The following SRD5A2 variants were observed in gnomAD, a reference collection of about 807,000 sequenced individuals.
SRD5A2 encodes 3-oxo-5-alpha-steroid 4-dehydrogenase 2.
SRD5A2 carries 30 observed loss-of-function variants against 27.4 expected under a neutral mutation model. The observed-to-expected ratio is 1.10, with a 90% CI of 0.82 to 1.49. The LOEUF (loss-of-function observed/expected upper bound fraction) is 1.49, where lower values mean the gene tolerates loss of function less well. Ranked by LOEUF, SRD5A2 falls within the 40% of genes most tolerant of loss-of-function variation. SRD5A2 has a pLI of 0.00. For missense variants in SRD5A2, 348 were observed against 323.4 expected (o/e 1.08, Z -0.58); for synonymous variants, 141 against 133.6 (o/e 1.06, Z -0.38).
chr2:31,554,189 G>A (rs977257585), intron 1 of SRD5A2, among the ~76,000 whole-genome samples: 9 of 152,012 alleles, frequency 5.9e-5, no homozygotes, highest in Non-Finnish European at 8.8e-5. Context: ...ACTTGCAACC[G>A]ATCTAGGAGA....
intron 1 of SRD5A2, among the ~76,000 whole-genome samples, chr2:31,569,527 C>G (rs964076129): frequency 6.6e-6 from 1 of 152,088 alleles, no homozygotes; most frequent in African/African-American, 2.4e-5. Context: ...TTCTTGTTTG[C>G]CAATCATACG....
the SRD5A2 span, among the ~76,000 whole-genome samples, chr2:31,599,162 T>C: frequency 6.6e-6 from 1 of 151,876 alleles, no homozygotes. Flanking sequence ...TCCAGATACA[T>C]AAAGAAAATA....
At chr2:31,607,957 G>T in the SRD5A2 span, among the ~76,000 whole-genome samples, 1 of 151,860 alleles carries the variant, frequency 6.6e-6, no homozygotes, top group Non-Finnish European at 1.5e-5. Context: ...TCTCAGCTAT[G>T]TAACGGTACA....
In SRD5A2 at chr2:31,569,369, G is replaced by T. The variant is rs565012329; in HGVS notation, c.281+11251C>A. On this transcript the variant is annotated intron_variant, in intron 1 of 4. Transcript: ENST00000622030. ...GTTGTCATTTAAATTCCCATCAAAG[G>T]TATGAGAGTTCCAGCTCTTCCACAT... 3.7e-4 allele frequency among the ~76,000 whole-genome samples: 56 copies of T among 152,278 alleles called. No individual in the cohort carries two copies. In the Middle Eastern group the frequency reaches 0.02, roughly 55 times the overall value.
the SRD5A2 span, among the ~76,000 whole-genome samples, chr2:31,632,454 G>A: frequency 0.19 from 29,209 of 152,176 alleles, 2,999 homozygotes; most frequent in Middle Eastern, 0.24. Flanking sequence ...CCCAGGGGAC[G>A]AAGGTCCTCT....
intron 1 of SRD5A2, among the ~76,000 whole-genome samples, chr2:31,545,810 ACT>A (rs566315183): frequency 1.5e-3 from 231 of 152,264 alleles, no homozygotes; most frequent in Non-Finnish European, 2.5e-3. Flanking sequence ...TGTCTAGAAC[ACT>A]CTAACGATTC....
intron 1 of SRD5A2, among the ~76,000 whole-genome samples, chr2:31,579,892 C>T (rs544504385): frequency 6.6e-5 from 10 of 152,252 alleles, no homozygotes; most frequent in African/African-American, 2.4e-4. Context: ...TCTAGAAGAA[C>T]ATTTGAGCTG....
chr2:31,529,880 C>T (rs939277797), intron 3 of SRD5A2, among the ~76,000 whole-genome samples: 1 of 152,148 alleles, frequency 6.6e-6, no homozygotes, highest in African/African-American at 2.4e-5. Flanking sequence ...AAACTGCACA[C>T]TACATTAAAA....
At chr2:31,553,304 T>C (rs1456210203) in intron 1 of SRD5A2, among the ~76,000 whole-genome samples, 2 of 151,966 alleles carry the variant, frequency 1.3e-5, no homozygotes, top group South Asian at 2.1e-4. Flanking sequence ...AACAAATATA[T>C]ACATTATGGT....
the SRD5A2 span, among the ~76,000 whole-genome samples, chr2:31,653,409 C>A: frequency 1.3e-5 from 2 of 152,226 alleles, no homozygotes; most frequent in African/African-American, 4.8e-5. Context: ...TTTGTACCCT[C>A]AGCAAAAGGA....
the SRD5A2 span, among the ~76,000 whole-genome samples, chr2:31,638,610 G>T: frequency 6.6e-6 from 1 of 151,910 alleles, no homozygotes; most frequent in Admixed American, 6.6e-5. Context: ...CTCCTTTGTT[G>T]GGTGCATAGA....
At chr2:31,597,696 A>T in the SRD5A2 span, among the ~76,000 whole-genome samples, 9 of 152,336 alleles carry the variant, frequency 5.9e-5, no homozygotes, top group East Asian at 7.7e-4. Flanking sequence ...GAAACATATT[A>T]AAAAATGCTC....
At chr2:31,562,354 C>T (rs1025557613) in intron 1 of SRD5A2, among the ~76,000 whole-genome samples, 1 of 151,930 alleles carries the variant, frequency 6.6e-6, no homozygotes, top group East Asian at 1.9e-4. Flanking sequence ...GGGTATCCAC[C>T]ACCTCAAATA....
the SRD5A2 span, among the ~76,000 whole-genome samples, chr2:31,617,473 C>T: frequency 6.6e-6 from 1 of 152,208 alleles, no homozygotes; most frequent in African/African-American, 2.4e-5. Context: ...CTCCTCATTA[C>T]TCATGCAAAT....
At chr2:31,625,204 G>T in the SRD5A2 span, among the ~76,000 whole-genome samples, 554 of 152,198 alleles carry the variant, frequency 3.6e-3, 4 homozygotes, top group African/African-American at 0.013. Context: ...TTTTGATGGG[G>T]TTGTTTGATT....
chr2:31,595,187 A>G, the SRD5A2 span, among the ~76,000 whole-genome samples: 7,191 of 152,298 alleles, frequency 0.047, 272 homozygotes, highest in Admixed American at 0.12. Context: ...CAAACCCAGC[A>G]GAAGAAAATA....
Position 31,526,131 on chromosome 2 carries a change from G to C in SRD5A2, c.*65C>G, listed in dbSNP as rs1327616112. Reference sequence around the variant, plus strand: ...GGACTATTATATCATGAAAATTACAGTTTCAGCAGCTTGACAGTTTTCATC... The same window carrying C: ...GGACTATTATATCATGAAAATTACACTTTCAGCAGCTTGACAGTTTTCATC... On this transcript the variant is annotated 3_prime_UTR_variant, in exon 5 of 5. Transcript: ENST00000622030. The C allele has an allele frequency of 4.9e-6, 5 of 1,016,796 alleles. No individual in the cohort carries two copies. Among genetic ancestry groups the C allele is most frequent in the Admixed American group, 4.2e-5 (2 of 47,690 alleles). 63.0% of individuals were successfully genotyped at this position (1,016,796 alleles called of 1,614,324 possible).
At chr2:31,578,500 T>C (rs1035534364) in intron 1 of SRD5A2, among the ~76,000 whole-genome samples, 1 of 152,264 alleles carries the variant, frequency 6.6e-6, no homozygotes, top group African/African-American at 2.4e-5. Flanking sequence ...TGAGGATGAG[T>C]AAATTATTTA....
At chr2:31,592,337 A>G in the SRD5A2 span, among the ~76,000 whole-genome samples, 1 of 152,120 alleles carries the variant, frequency 6.6e-6, no homozygotes, top group African/African-American at 2.4e-5. Flanking sequence ...ACCCTGGCTA[A>G]CCGGAAGTCC....
Sources: gnomAD v4.1 joint callset for allele counts (sites outside exome capture counted in the v4.1 genomes callset) on GRCh38, gnomAD v4.1.1 for gene constraint, MANE v1.5 for transcripts, NCBI Gene and HGNC (gene_info 2026-07-23, HGNC 2026-07-21) for gene names.